Variants in OSBPL6 observed in about 807,000 individuals in gnomAD.
The protein encoded by OSBPL6 is oxysterol binding protein like 6.
OSBPL6 carries 49 observed loss-of-function variants against 125.8 expected under a neutral mutation model. The ratio of observed to expected loss-of-function variants is 0.39; its 90% CI spans 0.31 to 0.49. The LOEUF (loss-of-function observed/expected upper bound fraction) is 0.49, where lower values mean the gene tolerates loss of function less well. Ranked by LOEUF, OSBPL6 falls within the 20% of genes least tolerant of loss-of-function variation. OSBPL6 has a pLI of 0.88. For synonymous variants in OSBPL6, 394 were observed against 391.8 expected (o/e 1.01, Z -0.07); for missense variants, 986 against 1,135.4 (o/e 0.87, Z 1.89).
At chr2:178,318,185 T>C (rs1687933095) in intron 3 of OSBPL6, among the ~76,000 whole-genome samples, 1 of 152,232 alleles carries the variant, frequency 6.6e-6, no homozygotes, top group Non-Finnish European at 1.5e-5. Context: ...TTGCTATCAA[T>C]GGACCACTTG....
At chr2:178,340,080 T>A (rs1690069983) in intron 11 of OSBPL6, among the ~76,000 whole-genome samples, 1 of 152,108 alleles carries the variant, frequency 6.6e-6, no homozygotes, top group South Asian at 2.1e-4. Context: ...AGATTAAAAA[T>A]CTAGTGGGTT....
At chr2:178,329,087 C>G (rs1400827979) in intron 5 of OSBPL6, among the ~76,000 whole-genome samples, 1 of 152,066 alleles carries the variant, frequency 6.6e-6, no homozygotes, top group Non-Finnish European at 1.5e-5. Flanking sequence ...GTAAGACATG[C>G]CTTATTTTTT....
chr2:178,277,683 T>G (rs1248814493), intron 1 of OSBPL6, among the ~76,000 whole-genome samples: 3 of 152,250 alleles, frequency 2.0e-5, no homozygotes, highest in African/African-American at 4.8e-5. Flanking sequence ...ATGAATGTTT[T>G]GTTTCTCACT....
chr2:178,390,467 G>A (rs1031207529), intron 21 of OSBPL6, among the ~76,000 whole-genome samples: 1 of 152,224 alleles, frequency 6.6e-6, no homozygotes, highest in Non-Finnish European at 1.5e-5. Flanking sequence ...GCTGGTGGGT[G>A]GTCTGCCCTT....
At chr2:178,268,296 G>T (rs868056361) in intron 1 of OSBPL6, among the ~76,000 whole-genome samples, 15 of 152,084 alleles carry the variant, frequency 9.9e-5, no homozygotes, top group South Asian at 4.1e-4. Context: ...TGGCCAGGCT[G>T]ATCTCGAACT....
At chr2:178,307,875 T>C (rs1433754448) in intron 3 of OSBPL6, among the ~76,000 whole-genome samples, 1 of 152,156 alleles carries the variant, frequency 6.6e-6, no homozygotes, top group Non-Finnish European at 1.5e-5. Flanking sequence ...GTTGTTATTC[T>C]GCCTGTTGCA....
In OSBPL6 at chr2:178,383,193, C is replaced by A. The variant is rs1262892138; in HGVS notation, c.1791C>A (p.Asn597Lys). 6.2e-7 allele frequency: 1 copy of A among 1,614,206 alleles called. No homozygotes were observed. The highest frequency in any genetic ancestry group is 1.7e-5 in the Admixed American group (1 of 60,024). ...CTGTGGAGCTAAACGAGCCGCTCAA[C>A]ACCCTGCAGCACCTCTGTGAGGAAA... ...SMPVELNEPL[N>K]TLQHLCEEME... The change falls in exon 17 of 25, where the codon AAC becomes AAA. Residue 597 changes from asparagine to lysine, a missense_variant. This residue lies in a region of OSBPL6 where 843 missense variants were observed against 997.3 expected (regional missense o/e 0.85). Transcript: ENST00000190611.
chr2:178,250,210 T>C (rs2091644644), intron 1 of OSBPL6, among the ~76,000 whole-genome samples: 1 of 152,192 alleles, frequency 6.6e-6, no homozygotes, highest in Admixed American at 6.5e-5. Context: ...TCTTCCTAAG[T>C]ATTTCTTATC....
At chr2:178,207,270 A>G (rs554652597) in intron 1 of OSBPL6, among the ~76,000 whole-genome samples, 1 of 152,156 alleles carries the variant, frequency 6.6e-6, no homozygotes, top group Non-Finnish European at 1.5e-5. Flanking sequence ...ATGGCCACAT[A>G]ACTCAAAATC....
intron 2 of OSBPL6, among the ~76,000 whole-genome samples, chr2:178,293,316 C>A (rs572536663): frequency 6.6e-6 from 1 of 152,092 alleles, no homozygotes; most frequent in South Asian, 2.1e-4. Context: ...TGGGAGAACC[C>A]GTGATCTGAA....
intron 1 of OSBPL6, among the ~76,000 whole-genome samples, chr2:178,275,011 G>A (rs2092442218): frequency 6.6e-6 from 1 of 152,062 alleles, no homozygotes; most frequent in Non-Finnish European, 1.5e-5. Context: ...GCAATAGAGA[G>A]TAATTGAGCA....
intron 1 of OSBPL6, among the ~76,000 whole-genome samples, chr2:178,210,578 C>T (rs1387861690): frequency 1.3e-5 from 2 of 151,956 alleles, no homozygotes; most frequent in African/African-American, 2.4e-5. Flanking sequence ...GAGGCTGAGG[C>T]GGCAAATCAC....
intron 1 of OSBPL6, among the ~76,000 whole-genome samples, chr2:178,228,485 A>G (rs2090671782): frequency 6.6e-6 from 1 of 152,254 alleles, no homozygotes; most frequent in Non-Finnish European, 1.5e-5. Context: ...CAGTGAGCCA[A>G]GATTGTGCCA....
intron 1 of OSBPL6, among the ~76,000 whole-genome samples, chr2:178,207,293 T>G (rs1433148275): frequency 6.6e-6 from 1 of 152,246 alleles, no homozygotes; most frequent in Non-Finnish European, 1.5e-5. Context: ...TGTTTTATTT[T>G]ACATCCCTTT....
intron 3 of OSBPL6, among the ~76,000 whole-genome samples, chr2:178,309,381 T>C (rs1687062058): frequency 6.6e-6 from 1 of 152,224 alleles, no homozygotes; most frequent in African/African-American, 2.4e-5. Flanking sequence ...GAGGATATAT[T>C]TTAAAGACCT....
chr2:178,394,612 A>T (rs1292244440), intron 24 of OSBPL6, among the ~76,000 whole-genome samples, 177 bp downstream of exon 24: 3 of 152,112 alleles, frequency 2.0e-5, no homozygotes, highest in East Asian at 1.9e-4. Context: ...ATAAAAAGAA[A>T]TTTTTTCTAC....
Position 178,395,411 on chromosome 2 carries a change from A to C in OSBPL6, c.2697-40A>C, listed in dbSNP as rs1341522486. On this transcript the variant is annotated intron_variant, in intron 24 of 24. Coordinates refer to ENST00000190611, the MANE Select transcript of OSBPL6 (RefSeq NM_032523.4). ...GAGGGTCCTATTTAAGGTTACCTTGATGTGATTCATGACTAATGTTGATGT... is the reference window on the plus strand; with the variant it reads ...GAGGGTCCTATTTAAGGTTACCTTGCTGTGATTCATGACTAATGTTGATGT... The C allele has an allele frequency of 2.8e-6, 4 of 1,444,564 alleles. No individual in the cohort carries two copies. The Admixed American group carries it at 5.1e-5, about 18-fold the overall frequency. The allele number at this position is 1,444,564 out of a possible 1,614,324, so 89.5% of individuals were successfully genotyped here. A position where few individuals can be genotyped will look rare whatever the true frequency, so the allele number is the denominator to read the frequency against.
At chr2:178,361,952 T>C in intron 13 of OSBPL6, 137 bp downstream of exon 13, 1 of 1,073,108 alleles carries the variant, frequency 9.3e-7, no homozygotes, top group Non-Finnish European at 1.3e-6. Context: ...CCCAAAAGAC[T>C]GCAGTGTCAG....
At chr2:178,374,373 A>G (rs1225339079) in intron 15 of OSBPL6, among the ~76,000 whole-genome samples, 1 of 152,220 alleles carries the variant, frequency 6.6e-6, no homozygotes, top group Non-Finnish European at 1.5e-5. Context: ...AGAAAGAATG[A>G]GAGAATTAGG....
Sources: allele counts gnomAD v4.1 joint callset (sites outside exome capture counted in the v4.1 genomes callset), GRCh38; gene constraint gnomAD v4.1.1; regional missense constraint gnomAD v4.1.1; transcripts MANE v1.5; gene names NCBI Gene and HGNC (gene_info 2026-07-23, HGNC 2026-07-21).